Variants in STON1 observed in about 807,000 individuals in gnomAD.
The protein encoded by STON1 is stonin-1.
In STON1, 79 loss-of-function variants were observed where a neutral mutation model predicts 60.9. The ratio of observed to expected loss-of-function variants is 1.30; its 90% confidence interval spans 1.08 to 1.56. The LOEUF is 1.56. Ranked by LOEUF, STON1 falls within the 40% of genes most tolerant of loss-of-function variation. The pLI is 0.00. For missense variants in STON1, 1,166 were observed against 858.9 expected, an observed-to-expected ratio of 1.36 and a Z score of -4.47; for synonymous variants, 363 against 306.9, an observed-to-expected ratio of 1.18 and a Z score of -1.91.
chr2:48,557,427 C>A (rs1229704543), intron 1 of STON1, among the ~76,000 whole-genome samples: 14 of 94,128 alleles, frequency 1.5e-4, no homozygotes, highest in African/African-American at 4.1e-4. Context: ...GGCGGCCGGG[C>A]AGAGACGCTC....
intron 1 of STON1, among the ~76,000 whole-genome samples, chr2:48,552,503 C>T (rs1232820190): frequency 2.0e-5 from 3 of 152,148 alleles, no homozygotes; most frequent in Non-Finnish European, 4.4e-5. Flanking sequence ...TGGCTCATGC[C>T]TGTAATCCCA....
intron 1 of STON1, among the ~76,000 whole-genome samples, chr2:48,575,615 T>C (rs1164216800): frequency 6.6e-6 from 1 of 151,710 alleles, no homozygotes; most frequent in Non-Finnish European, 1.5e-5. Context: ...ATTGCGTCAC[T>C]GCACTCCAGC....
chr2:48,584,489 A>G (rs1402044240), intron 2 of STON1, among the ~76,000 whole-genome samples: 1 of 151,788 alleles, frequency 6.6e-6, no homozygotes, highest in African/African-American at 2.4e-5. Flanking sequence ...ACTGGTCTTG[A>G]ACTCCTGACC....
At chr2:48,563,313 GC>G (rs1672683821) in intron 1 of STON1, among the ~76,000 whole-genome samples, 1 of 152,218 alleles carries the variant, frequency 6.6e-6, no homozygotes, top group Non-Finnish European at 1.5e-5. Flanking sequence ...GGGGAAGAAA[GC>G]CCTCACATGT....
At chr2:48,537,501 C>G (rs541964752) in intron 1 of STON1, among the ~76,000 whole-genome samples, 72 of 152,198 alleles carry the variant, frequency 4.7e-4, no homozygotes, top group African/African-American at 1.7e-3. Context: ...TAGTATTTTA[C>G]TTTGGATTTT....
intron 3 of STON1, among the ~76,000 whole-genome samples, chr2:48,594,088 T>A (rs556256672): frequency 6.6e-6 from 1 of 152,300 alleles, no homozygotes; most frequent in East Asian, 1.9e-4. Context: ...CTACATTGCA[T>A]CCCAGCTTCT....
chr2:48,570,154 G>A (rs1344807659), intron 1 of STON1, among the ~76,000 whole-genome samples: 1 of 152,110 alleles, frequency 6.6e-6, no homozygotes, highest in Non-Finnish European at 1.5e-5. Flanking sequence ...GGCCAACATG[G>A]CGAAACCCCA....
chr2:48,583,436 T>G (rs1267927962), intron 2 of STON1, among the ~76,000 whole-genome samples: 1 of 152,180 alleles, frequency 6.6e-6, no homozygotes, highest in East Asian at 1.9e-4. Flanking sequence ...GTGTTAAAAA[T>G]TCAGTTAATT....
intron 1 of STON1, among the ~76,000 whole-genome samples, chr2:48,540,152 T>G (rs1251701826): frequency 3.3e-5 from 5 of 152,216 alleles, no homozygotes; most frequent in Admixed American, 3.3e-4. Context: ...TTCTACTTTA[T>G]CTAGGTTTTA....
intron 1 of STON1, among the ~76,000 whole-genome samples, chr2:48,540,639 C>T (rs902364299): frequency 6.6e-6 from 1 of 152,234 alleles, no homozygotes; most frequent in Non-Finnish European, 1.5e-5. Flanking sequence ...ACCTAAGTAA[C>T]TTTCCCTGAG....
At position 48,597,967 on chromosome 2, in the gene STON1, G is replaced by T. The variant is rs1674855591; in HGVS notation, c.*2665G>T. The T allele has an allele frequency of 6.6e-6, 1 of 152,094 alleles. No individual in the cohort carries two copies. The highest frequency in any genetic ancestry group is 1.5e-5 in the Non-Finnish European group (1 of 68,022). The allele number at this position is 152,094 out of a possible 1,614,324, so 9.4% of individuals were successfully genotyped here. On this transcript the variant is annotated 3_prime_UTR_variant, in exon 4 of 4. Transcript: ENST00000404752. ...GCGGGGAAGGAAAGGAATGAGGGAG[G>T]AAATATTCCTTTCTAGCATTCATTT...
chr2:48,543,979 G>C (rs965660072), intron 1 of STON1, among the ~76,000 whole-genome samples: 32 of 152,310 alleles, frequency 2.1e-4, no homozygotes, highest in African/African-American at 7.5e-4. Flanking sequence ...AATCACCAAA[G>C]GGGTGGCTGG....
rs773022977 is a variant in STON1 at position 48,581,147 on chromosome 2, C to T, written c.514C>T (p.Gln172Ter). The change falls in exon 2 of 4, where the codon CAG (glutamine) becomes TAG (stop). Residue 172 changes from glutamine (Q) to a stop codon, truncating the protein, a stop_gained. Coordinates refer to ENST00000404752, the MANE Select transcript of STON1 (RefSeq NM_006873.4). LOFTEE classifies it high-confidence loss of function. ...AGGATTCCAAAGTGATGATCTCCCC[C>T]AGTTTCAGTATTTTCGAGAGGACTG... is the stretch of plus-strand genomic sequence containing the variant. ...SLGFQSDDLP[Q>*]FQYFREDCAF... 2.6e-6 allele frequency: 4 copies of T among 1,567,714 alleles called. No homozygotes were observed. The South Asian group carries it at 4.9e-5, about 19-fold the overall frequency.
intron 2 of STON1, among the ~76,000 whole-genome samples, chr2:48,585,243 GCTTT>G (rs1674140341): frequency 7.5e-6 from 1 of 133,724 alleles, no homozygotes; most frequent in South Asian, 2.6e-4. Context: ...GATGTTTCCT[GCTTT>G]CTTTTTTTTT....
intron 1 of STON1, among the ~76,000 whole-genome samples, chr2:48,537,289 ATTC>A (rs1342083861): frequency 2.6e-5 from 4 of 152,176 alleles, no homozygotes; most frequent in African/African-American, 9.7e-5. Context: ...ACTTTGCTCT[ATTC>A]TTAATATTTT....
intron 1 of STON1, among the ~76,000 whole-genome samples, chr2:48,549,028 T>G (rs1468595133): frequency 6.6e-6 from 1 of 152,162 alleles, no homozygotes; most frequent in Non-Finnish European, 1.5e-5. Context: ...AACCCACATT[T>G]CTTGATTTCC....
intron 1 of STON1, among the ~76,000 whole-genome samples, chr2:48,545,354 A>ACCCACATATTCCCATCTCTGCC (rs1230130794): frequency 2.6e-5 from 4 of 152,194 alleles, no homozygotes; most frequent in Non-Finnish European, 5.9e-5. Flanking sequence ...CCTCCTCTGC[A>ACCCACATATTCCCATCTCTGCC]CCCACATATT....
Position 48,582,580 on chromosome 2 carries a change from C to T in STON1, c.1930+17C>T. 6.3e-7 allele frequency: 1 copy of T among 1,597,098 alleles called. No homozygotes were observed. The highest frequency in any genetic ancestry group is 8.5e-7 in the Non-Finnish European group (1 of 1,172,288). ...AAAATTCAAGTAAATATTCAACACC[C>T]CAAGTTTATTTTCATGGGAAATAGC... On this transcript the variant is annotated intron_variant, in intron 2 of 3. Coordinates refer to ENST00000404752, the MANE Select transcript of STON1 (RefSeq NM_006873.4).
chr2:48,561,058 C>A (rs1414298199), intron 1 of STON1, among the ~76,000 whole-genome samples: 1 of 152,228 alleles, frequency 6.6e-6, no homozygotes, highest in Non-Finnish European at 1.5e-5. Context: ...AGTGACCCAG[C>A]CCTGGGGCTT....
Sources: allele counts gnomAD v4.1 joint callset (sites outside exome capture counted in the v4.1 genomes callset), GRCh38; gene constraint gnomAD v4.1.1; transcripts MANE v1.5; gene names NCBI Gene and HGNC (gene_info 2026-07-23, HGNC 2026-07-21).